The following CEP63 variants were observed in gnomAD, a reference collection of about 807,000 sequenced individuals.
The protein encoded by CEP63 is centrosomal protein of 63 kDa.
In CEP63, 84 loss-of-function variants were observed where a neutral mutation model predicts 89.1. The ratio of observed to expected loss-of-function variants is 0.94; its 90% CI spans 0.79 to 1.13. The LOEUF is 1.13. CEP63 is among the 50% of genes most tolerant of loss of function. CEP63 has a pLI of 0.00. For missense variants in CEP63, 838 were observed against 813.3 expected (o/e 1.03, Z -0.37); for synonymous variants, 267 against 272.5 (o/e 0.98, Z 0.20).
the CEP63 span, among the ~76,000 whole-genome samples, chr3:134,691,171 A>G: frequency 6.6e-6 from 1 of 152,084 alleles, no homozygotes; most frequent in Non-Finnish European, 1.5e-5. Context: ...CCTGGGTAAC[A>G]CGACAAAACC....
At chr3:134,714,913 A>G in the CEP63 span, among the ~76,000 whole-genome samples, 1 of 152,334 alleles carries the variant, frequency 6.6e-6, no homozygotes, top group African/African-American at 2.4e-5. Flanking sequence ...CCATAAGACA[A>G]CGGGCTAAAT....
At chr3:134,658,111 T>A in the CEP63 span, among the ~76,000 whole-genome samples, 1 of 152,238 alleles carries the variant, frequency 6.6e-6, no homozygotes, top group East Asian at 1.9e-4. Flanking sequence ...TTAGCCAGGA[T>A]AGTCTCGATC....
chr3:134,582,808 ACTT>A (rs1313868908), intron 10 of CEP63, among the ~76,000 whole-genome samples: 1 of 152,142 alleles, frequency 6.6e-6, no homozygotes, highest in African/African-American at 2.4e-5. Context: ...ATGTAAAGGC[ACTT>A]CTATTTCTCC....
At chr3:134,492,645 T>C (rs969731517) in intron 1 of CEP63, among the ~76,000 whole-genome samples, 12 of 152,094 alleles carry the variant, frequency 7.9e-5, no homozygotes, top group African/African-American at 2.9e-4. Flanking sequence ...ATATTTCTTA[T>C]GTGACTATTT....
chr3:134,754,802 C>T, the CEP63 span, among the ~76,000 whole-genome samples: 1 of 152,190 alleles, frequency 6.6e-6, no homozygotes, highest in African/African-American at 2.4e-5. Flanking sequence ...CCCCCATCTG[C>T]TCCACTCCTA....
chr3:134,656,579 G>A, the CEP63 span, among the ~76,000 whole-genome samples: 1 of 152,236 alleles, frequency 6.6e-6, no homozygotes, highest in Non-Finnish European at 1.5e-5. Flanking sequence ...TTCTGGAGAA[G>A]ATGCTAGGCA....
intron 3 of CEP63, among the ~76,000 whole-genome samples, chr3:134,511,897 CA>C (rs1249631164): frequency 6.6e-6 from 1 of 152,168 alleles, no homozygotes; most frequent in Non-Finnish European, 1.5e-5. Flanking sequence ...CAAACCACAT[CA>C]GTCATTCTTA....
At chr3:134,659,927 G>A in the CEP63 span, among the ~76,000 whole-genome samples, 1 of 152,236 alleles carries the variant, frequency 6.6e-6, no homozygotes, top group Non-Finnish European at 1.5e-5. Context: ...TGTCCCCGGG[G>A]CAGAGCTTCT....
At chr3:134,683,784 C>T in the CEP63 span, among the ~76,000 whole-genome samples, 1 of 151,982 alleles carries the variant, frequency 6.6e-6, no homozygotes, top group Non-Finnish European at 1.5e-5. Context: ...GAGATGGTTC[C>T]CATCTTTATA....
intron 6 of CEP63, among the ~76,000 whole-genome samples, chr3:134,543,720 C>CTA (rs1207656610): frequency 6.6e-6 from 1 of 152,212 alleles, no homozygotes; most frequent in Non-Finnish European, 1.5e-5. Flanking sequence ...CCCAGGGCTG[C>CTA]TGTACAGATT....
At chr3:134,609,389 G>A in the CEP63 span, among the ~76,000 whole-genome samples, 1 of 152,154 alleles carries the variant, frequency 6.6e-6, no homozygotes. Context: ...GAGGAGCAGT[G>A]TTGAGAATAA....
At chr3:134,697,235 A>G in the CEP63 span, among the ~76,000 whole-genome samples, 19 of 152,356 alleles carry the variant, frequency 1.2e-4, 1 homozygote, top group Admixed American at 9.8e-4. Flanking sequence ...AGCATCAAGG[A>G]CAGATGTGTA....
the CEP63 span, among the ~76,000 whole-genome samples, chr3:134,733,611 A>T: frequency 2.0e-5 from 3 of 152,204 alleles, no homozygotes; most frequent in Admixed American, 1.3e-4. Flanking sequence ...ACAGAGACAC[A>T]GACACAGGGA....
In CEP63 at chr3:134,564,186, A is replaced by T; in HGVS notation, c.*2651A>T. On this transcript the variant is annotated 3_prime_UTR_variant, in exon 15 of 15. Coordinates refer to ENST00000675561, the MANE Select transcript of CEP63 (RefSeq NM_001353108.3). The stretch of plus-strand genomic sequence containing the variant: ...CTTTGCTTCTCTGGTTCATGGTGGG[A>T]TCCTCATCACCCAGCACAAGCCCAA... 1 of 890,760 alleles carries T rather than the reference A, an allele frequency of 1.1e-6. No homozygotes were observed. The highest frequency in any genetic ancestry group is 1.3e-6 in the Non-Finnish European group (1 of 743,538). The allele number at this position is 890,760 out of a possible 1,614,324, so 55.2% of individuals were successfully genotyped here.
the CEP63 span, among the ~76,000 whole-genome samples, chr3:134,741,629 A>T: frequency 1.3e-5 from 2 of 152,186 alleles, no homozygotes; most frequent in African/African-American, 4.8e-5. Context: ...CATTTTTAAC[A>T]TAGATTTAAA....
downstream of CEP63, among the ~76,000 whole-genome samples, chr3:134,587,906 G>T (rs1272913920): frequency 6.6e-6 from 1 of 151,816 alleles, no homozygotes; most frequent in Admixed American, 6.6e-5. Flanking sequence ...AGATGTAAGA[G>T]ATTTGAGAAA....
At chr3:134,678,294 C>G in the CEP63 span, among the ~76,000 whole-genome samples, 1 of 152,112 alleles carries the variant, frequency 6.6e-6, no homozygotes, top group African/African-American at 2.4e-5. Flanking sequence ...CTTGGAAATA[C>G]TTTTCTGGAC....
chr3:134,626,735 T>C, the CEP63 span, among the ~76,000 whole-genome samples: 4 of 152,318 alleles, frequency 2.6e-5, no homozygotes, highest in East Asian at 7.7e-4. Flanking sequence ...CAATGCCCAC[T>C]TATTGGGGAG....
At chr3:134,743,915 G>A in the CEP63 span, among the ~76,000 whole-genome samples, 1 of 152,078 alleles carries the variant, frequency 6.6e-6, no homozygotes, top group Admixed American at 6.5e-5. Context: ...GCCTCTCATA[G>A]CACCTCTCCT....
Sources: allele counts gnomAD v4.1 joint callset (sites outside exome capture counted in the v4.1 genomes callset), GRCh38; gene constraint gnomAD v4.1.1; transcripts MANE v1.5; gene names NCBI Gene and HGNC (gene_info 2026-07-23, HGNC 2026-07-21).